The following SMIM35 variants were observed in gnomAD, a reference collection of about 807,000 sequenced individuals.
SMIM35 encodes the protein small integral membrane protein 35.
At chr11:118,048,544 AG>A (rs199835688) in intron 1 of SMIM35, among the ~76,000 whole-genome samples, 5 of 16,412 alleles carry the variant, frequency 3.0e-4, no homozygotes, top group African/African-American at 6.6e-4. Flanking sequence ...GAAAGAAGGA[AG>A]GAAGGAAGGA....
chr11:118,020,001 C>A (rs765430226), intron 1 of SMIM35, among the ~76,000 whole-genome samples: 7 of 152,182 alleles, frequency 4.6e-5, no homozygotes, highest in Non-Finnish European at 1.0e-4. Flanking sequence ...TGGTGTCTCA[C>A]GCCTGTAATC....
At chr11:118,034,253 G>T (rs890846519) in intron 1 of SMIM35, among the ~76,000 whole-genome samples, 1 of 151,818 alleles carries the variant, frequency 6.6e-6, no homozygotes, top group African/African-American at 2.4e-5. Context: ...CTCCAGGCTG[G>T]GCAATAACAG....
intron 1 of SMIM35, among the ~76,000 whole-genome samples, chr11:118,055,270 C>A (rs371830949): frequency 6.6e-6 from 1 of 152,114 alleles, no homozygotes; most frequent in African/African-American, 2.4e-5. Context: ...GAGTGGATCC[C>A]TCAAATTCCA....
At chr11:118,051,846 AC>A (rs1162152981) in intron 1 of SMIM35, among the ~76,000 whole-genome samples, 3 of 152,036 alleles carry the variant, frequency 2.0e-5, no homozygotes, top group African/African-American at 4.8e-5. Context: ...TAATACTAAT[AC>A]TAATACTAAT....
intron 4 of SMIM35, among the ~76,000 whole-genome samples, chr11:118,008,016 C>T (rs1029713751): frequency 8.6e-5 from 13 of 152,032 alleles, no homozygotes; most frequent in Non-Finnish European, 1.9e-4. Flanking sequence ...ATTATAGGCA[C>T]GAGCCACCAC....
intron 1 of SMIM35, among the ~76,000 whole-genome samples, chr11:118,055,770 T>C (rs995226401): frequency 6.6e-6 from 1 of 152,134 alleles, no homozygotes; most frequent in African/African-American, 2.4e-5. Context: ...TTTTCCTACA[T>C]AGGCCAGGCA....
At chr11:118,067,054 T>C (rs1944485696) in intron 1 of SMIM35, among the ~76,000 whole-genome samples, 1 of 151,900 alleles carries the variant, frequency 6.6e-6, no homozygotes, top group Admixed American at 6.6e-5. Context: ...GTCCATTGTG[T>C]GAGGATTAAT....
chr11:118,027,639 T>A (rs2058285292), intron 1 of SMIM35, among the ~76,000 whole-genome samples: 1 of 152,232 alleles, frequency 6.6e-6, no homozygotes, highest in Admixed American at 6.5e-5. Context: ...CTTCTTTATG[T>A]TAGCAGTTAG....
chr11:118,062,734 C>T (rs1034490287), intron 1 of SMIM35, among the ~76,000 whole-genome samples: 13 of 152,154 alleles, frequency 8.5e-5, no homozygotes, highest in African/African-American at 2.9e-4. Flanking sequence ...TTTCTGTTGC[C>T]TCTTTTATTT....
intron 1 of SMIM35, among the ~76,000 whole-genome samples, chr11:118,029,390 G>T (rs2058300078): frequency 6.6e-6 from 1 of 152,160 alleles, no homozygotes; most frequent in African/African-American, 2.4e-5. Flanking sequence ...TCAAGACCAA[G>T]ATATAGTTTA....
chr11:118,015,495 G>T (rs534335048), intron 2 of SMIM35, among the ~76,000 whole-genome samples, 198 bp downstream of exon 2: 1 of 152,044 alleles, frequency 6.6e-6, no homozygotes, highest in African/African-American at 2.4e-5. Flanking sequence ...CCATTCCCTC[G>T]ATAAAAGTAC....
chr11:118,026,004 T>C (rs949310100), intron 1 of SMIM35: 4 of 307,256 alleles, frequency 1.3e-5, no homozygotes, highest in African/African-American at 9.3e-5. Context: ...TTCAATCTTC[T>C]GCATAGGGTT....
intron 1 of SMIM35, among the ~76,000 whole-genome samples, chr11:118,076,346 C>T (rs1360372067): frequency 6.6e-6 from 1 of 152,038 alleles, no homozygotes; most frequent in African/African-American, 2.4e-5. Context: ...ACTCGAGAGG[C>T]TGGAGCACGA....
At chr11:118,083,989 G>A (rs1310091265) in intron 1 of SMIM35, among the ~76,000 whole-genome samples, 1 of 152,146 alleles carries the variant, frequency 6.6e-6, no homozygotes, top group Non-Finnish European at 1.5e-5. Context: ...AGTGAGCCGA[G>A]ACAGCGCCAC....
intron 1 of SMIM35, among the ~76,000 whole-genome samples, chr11:118,066,065 G>A (rs1406801093): frequency 6.6e-6 from 1 of 150,980 alleles, no homozygotes; most frequent in Non-Finnish European, 1.5e-5. Flanking sequence ...ACCAGCCACA[G>A]GACCCCCCGG....
chr11:118,067,238 C>T (rs368361819), intron 1 of SMIM35: 61 of 152,360 alleles, frequency 4.0e-4, no homozygotes, highest in African/African-American at 1.4e-3. Context: ...TACAAATGCA[C>T]CAGGTGCGGT....
chr11:118,039,874 G>T (rs768870413), intron 1 of SMIM35, among the ~76,000 whole-genome samples: 1 of 147,850 alleles, frequency 6.8e-6, no homozygotes, highest in African/African-American at 2.5e-5. Flanking sequence ...GTGAAGCCCC[G>T]TCTCTACTAA....
intron 1 of SMIM35, among the ~76,000 whole-genome samples, chr11:118,079,087 G>A (rs1456742121): frequency 1.3e-5 from 2 of 152,080 alleles, no homozygotes; most frequent in East Asian, 1.9e-4. Flanking sequence ...ACTGGTGGAG[G>A]GGTCAGGTCA....
intron 1 of SMIM35, among the ~76,000 whole-genome samples, chr11:118,070,263 G>A (rs1167564959): frequency 2.0e-5 from 3 of 151,594 alleles, no homozygotes; most frequent in East Asian, 3.9e-4. Flanking sequence ...TGCAGCCTCC[G>A]CCTCCCGGGT....
Sources: allele counts gnomAD v4.1 joint callset (sites outside exome capture counted in the v4.1 genomes callset), GRCh38; gene constraint gnomAD v4.1.1; transcripts MANE v1.5; gene names NCBI Gene and HGNC (gene_info 2026-07-23, HGNC 2026-07-21).